RGS7: variants seen among roughly 807,000 people sequenced by gnomAD.
RGS7 encodes regulator of G-protein signaling 7.
Under a neutral mutation model 81.1 loss-of-function variants are expected in RGS7, and 27 were observed. The observed-to-expected ratio is 0.33, with a 90% CI of 0.25 to 0.46. The LOEUF (loss-of-function observed/expected upper bound fraction) is 0.46. RGS7 is among the 20% of genes least tolerant of loss of function. The probability of loss-of-function intolerance (pLI) is 1.00; values close to 1 mark genes in which losing one functional copy is unlikely to be tolerated. For synonymous variants in RGS7, 208 were observed against 207.7 expected (o/e 1.00, Z -0.01); for missense variants, 396 against 607.4 (o/e 0.65, Z 3.66).
chr1:241,306,923 T>C (rs1302170744), intron 2 of RGS7, among the ~76,000 whole-genome samples: 3 of 152,216 alleles, frequency 2.0e-5, no homozygotes, highest in African/African-American at 2.4e-5. Flanking sequence ...GTCCCAGTAT[T>C]TTCTTTCAAA....
chr1:241,252,235 G>T (rs2076868540), intron 2 of RGS7, among the ~76,000 whole-genome samples: 1 of 151,882 alleles, frequency 6.6e-6, no homozygotes, highest in South Asian at 2.1e-4. Context: ...GTAGAGATGG[G>T]GTTTCGCCAT....
intron 2 of RGS7, among the ~76,000 whole-genome samples, chr1:241,180,007 T>A (rs1325309288): frequency 6.6e-6 from 1 of 151,998 alleles, no homozygotes; most frequent in Non-Finnish European, 1.5e-5. Context: ...TGTTATGAGG[T>A]TCTATAGAAT....
intron 2 of RGS7, among the ~76,000 whole-genome samples, chr1:241,283,991 T>C (rs551357871): frequency 6.6e-6 from 1 of 152,326 alleles, no homozygotes; most frequent in South Asian, 2.1e-4. Flanking sequence ...TATATTTCTT[T>C]GATAAGACTT....
At chr1:240,863,441 C>A (rs1019588898) in intron 9 of RGS7, among the ~76,000 whole-genome samples, 1 of 152,148 alleles carries the variant, frequency 6.6e-6, no homozygotes, top group African/African-American at 2.4e-5. Flanking sequence ...CACCACTGCA[C>A]TCCAGCCTGG....
chr1:241,231,292 T>C (rs2075648840), intron 2 of RGS7, among the ~76,000 whole-genome samples: 1 of 152,214 alleles, frequency 6.6e-6, no homozygotes, highest in South Asian at 2.1e-4. Context: ...AATAGTCTAT[T>C]TGATAAAAAT....
intron 2 of RGS7, among the ~76,000 whole-genome samples, chr1:241,284,885 T>C (rs906757504): frequency 1.3e-5 from 2 of 152,126 alleles, no homozygotes; most frequent in Non-Finnish European, 2.9e-5. Context: ...TTGTTTTTGT[T>C]TTTGAGATGG....
chr1:241,138,539 G>T (rs1362850296), intron 2 of RGS7, among the ~76,000 whole-genome samples: 1 of 152,198 alleles, frequency 6.6e-6, no homozygotes, highest in East Asian at 1.9e-4. Flanking sequence ...GTGGAACTTG[G>T]TTACTGGAAG....
At chr1:241,265,940 A>G (rs749198567) in intron 2 of RGS7, among the ~76,000 whole-genome samples, 9 of 151,956 alleles carry the variant, frequency 5.9e-5, no homozygotes, top group Non-Finnish European at 1.3e-4. Context: ...GATTACAGGC[A>G]TATACCACCA....
chr1:240,835,790 A>G (rs1306775858), intron 9 of RGS7, among the ~76,000 whole-genome samples: 1 of 152,194 alleles, frequency 6.6e-6, no homozygotes, highest in Non-Finnish European at 1.5e-5. Context: ...AAAGACAAGG[A>G]GGAACCTTAC....
intron 9 of RGS7, among the ~76,000 whole-genome samples, chr1:240,847,589 T>C (rs367941391): frequency 2.7e-3 from 411 of 152,302 alleles, no homozygotes; most frequent in African/African-American, 8.4e-3. Flanking sequence ...AATCCATCAT[T>C]CGGGCATTTA....
intron 9 of RGS7, among the ~76,000 whole-genome samples, chr1:240,850,994 G>T (rs1660000447): frequency 6.6e-6 from 1 of 152,192 alleles, no homozygotes; most frequent in Non-Finnish European, 1.5e-5. Context: ...TAACATAAAA[G>T]TGCAAGATGG....
intron 2 of RGS7, among the ~76,000 whole-genome samples, chr1:241,177,271 T>C (rs929848259): frequency 3.3e-5 from 5 of 151,782 alleles, no homozygotes; most frequent in African/African-American, 1.2e-4. Context: ...GACACTGGAG[T>C]GACGAGAAGA....
chr1:241,306,360 CAT>C (rs1002036777), intron 2 of RGS7, among the ~76,000 whole-genome samples: 8 of 151,456 alleles, frequency 5.3e-5, no homozygotes, highest in South Asian at 2.1e-4. Context: ...CATATACACA[CAT>C]GTCCACACAC....
intron 9 of RGS7, among the ~76,000 whole-genome samples, chr1:240,848,249 A>G (rs1468502442): frequency 6.6e-6 from 1 of 152,222 alleles, no homozygotes; most frequent in East Asian, 1.9e-4. Flanking sequence ...AGTATAAAAC[A>G]GTTCCACTCT....
At chr1:241,218,231 A>C (rs2147968587) in intron 2 of RGS7, among the ~76,000 whole-genome samples, 1 of 152,230 alleles carries the variant, frequency 6.6e-6, no homozygotes, top group Middle Eastern at 3.4e-3. Flanking sequence ...TTTAGGGGAA[A>C]TGGAATTTAA....
chr1:241,028,660 T>A (rs1428975360), intron 3 of RGS7, among the ~76,000 whole-genome samples: 4 of 151,930 alleles, frequency 2.6e-5, no homozygotes, highest in African/African-American at 9.7e-5. Flanking sequence ...GCAATGGAGA[T>A]CAGCGAGGGC....
intron 2 of RGS7, among the ~76,000 whole-genome samples, chr1:241,253,931 TGAG>T (rs2076940220): frequency 1.3e-5 from 2 of 152,110 alleles, no homozygotes; most frequent in South Asian, 4.1e-4. Context: ...GTGAAGAAAT[TGAG>T]GAGGAGAGCA....
chr1:241,024,429 C>A (rs960385488), intron 3 of RGS7, among the ~76,000 whole-genome samples: 13 of 152,182 alleles, frequency 8.5e-5, no homozygotes, highest in African/African-American at 2.9e-4. Flanking sequence ...TACAAGTGTT[C>A]TCATTGCCTA....
intron 3 of RGS7, among the ~76,000 whole-genome samples, chr1:241,085,709 C>T (rs1468648455): frequency 6.6e-6 from 1 of 152,164 alleles, no homozygotes; most frequent in African/African-American, 2.4e-5. Flanking sequence ...GCTGGGATTA[C>T]AGGCGTGAGC....
Sources: gnomAD v4.1 joint callset for allele counts (sites outside exome capture counted in the v4.1 genomes callset) on GRCh38, gnomAD v4.1.1 for gene constraint, MANE v1.5 for transcripts, NCBI Gene and HGNC (gene_info 2026-07-23, HGNC 2026-07-21) for gene names.